The following RGL1 variants were observed in gnomAD, a reference collection of about 807,000 sequenced individuals.
The protein encoded by RGL1 is ral guanine nucleotide dissociation stimulator like 1, also known as ral guanine nucleotide dissociation stimulator-like 1.
Under a neutral mutation model 95.2 loss-of-function variants are expected in RGL1, and 24 were observed. The ratio of observed to expected loss-of-function variants is 0.25; its 90% CI spans 0.18 to 0.35. The LOEUF (loss-of-function observed/expected upper bound fraction) is 0.35, where lower values mean the gene tolerates loss of function less well. Ranked by LOEUF, RGL1 falls within the 10% of genes least tolerant of loss-of-function variation. The pLI is 1.00. For missense variants in RGL1, 715 were observed against 936.3 expected (o/e 0.76, Z 3.08); for synonymous variants, 329 against 344.9 (o/e 0.95, Z 0.51).
intron 15 of RGL1, among the ~76,000 whole-genome samples, chr1:183,913,718 C>T (rs188895281): frequency 8.5e-5 from 13 of 152,278 alleles, no homozygotes; most frequent in South Asian, 2.1e-4. Context: ...TTCAAGGGGA[C>T]ATGTGTGTTG....
At chr1:183,645,275 G>A (rs1650206636) in intron 1 of RGL1, among the ~76,000 whole-genome samples, 2 of 152,114 alleles carry the variant, frequency 1.3e-5, no homozygotes, top group African/African-American at 4.8e-5. Flanking sequence ...ATCTCAAGAG[G>A]TTTGTTAATC....
chr1:183,871,628 C>T (rs1371383810), intron 4 of RGL1, among the ~76,000 whole-genome samples: 1 of 152,168 alleles, frequency 6.6e-6, no homozygotes, highest in African/African-American at 2.4e-5. Context: ...TAAAATCTTT[C>T]CTGTATTTCC....
At chr1:183,715,126 A>AT (rs755335099) in intron 1 of RGL1, among the ~76,000 whole-genome samples, 3 of 152,328 alleles carry the variant, frequency 2.0e-5, no homozygotes, top group Admixed American at 2.0e-4. Context: ...GCAGAGCTTC[A>AT]TTTGAACCCC....
intron 1 of RGL1, among the ~76,000 whole-genome samples, chr1:183,715,724 A>G (rs910476870): frequency 6.8e-6 from 1 of 146,474 alleles, no homozygotes; most frequent in Non-Finnish European, 1.5e-5. Flanking sequence ...ACCTATATCT[A>G]TATCTATACC....
At chr1:183,789,676 C>T (rs1321136403) in intron 2 of RGL1, among the ~76,000 whole-genome samples, 1 of 152,008 alleles carries the variant, frequency 6.6e-6, no homozygotes, top group East Asian at 1.9e-4. Context: ...CTGATTTCTG[C>T]TCTATTTAAC....
intron 2 of RGL1, among the ~76,000 whole-genome samples, chr1:183,763,849 T>C (rs757868537): frequency 1.3e-4 from 20 of 152,296 alleles, no homozygotes; most frequent in Middle Eastern, 6.8e-3. Flanking sequence ...TTACACCACA[T>C]GGGCCCACCA....
intron 2 of RGL1, among the ~76,000 whole-genome samples, chr1:183,790,206 C>T (rs1027987197): frequency 6.6e-6 from 1 of 152,220 alleles, no homozygotes; most frequent in East Asian, 1.9e-4. Context: ...GGATTAGAGG[C>T]GTGAGCCACT....
At chr1:183,918,243 T>C (rs1330812636) in intron 16 of RGL1, among the ~76,000 whole-genome samples, 1 of 152,134 alleles carries the variant, frequency 6.6e-6, no homozygotes, top group Non-Finnish European at 1.5e-5. Context: ...TGAGATCAAA[T>C]ACTGGGAGTT....
chr1:183,920,339 A>G (rs544722907), intron 16 of RGL1, among the ~76,000 whole-genome samples: 3 of 152,304 alleles, frequency 2.0e-5, no homozygotes, highest in Non-Finnish European at 2.9e-5. Context: ...CCCGTCCTAA[A>G]AACTTTTTAA....
At position 183,805,224 on chromosome 1, in the gene RGL1, G is replaced by T; in HGVS notation, c.-74G>T. 3 of 1,589,336 alleles carry T rather than the reference G, an allele frequency of 1.9e-6. No homozygotes were observed. Among genetic ancestry groups the T allele is most frequent in the Non-Finnish European group, 2.6e-6 (3 of 1,168,570 alleles). ...CCGGGGCGAGGCGCCGCGGGGCTGA[G>T]CCCAGCAGACATTGCGTTGGCCTCC... On this transcript the variant is annotated 5_prime_UTR_variant, in exon 1 of 18. Coordinates refer to ENST00000360851, the MANE Select transcript of RGL1 (RefSeq NM_001297671.3).
At chr1:183,636,727 A>G (rs1649562576) in intron 1 of RGL1, among the ~76,000 whole-genome samples, 1 of 152,192 alleles carries the variant, frequency 6.6e-6, no homozygotes, top group African/African-American at 2.4e-5. Context: ...TTTAAGATTT[A>G]TATTATGATT....
chr1:183,830,250 A>G (rs1053493293), intron 2 of RGL1, among the ~76,000 whole-genome samples: 11 of 152,202 alleles, frequency 7.2e-5, no homozygotes, highest in African/African-American at 2.7e-4. Flanking sequence ...AAAACTTCTT[A>G]TAAGTTCAGA....
At chr1:183,898,217 A>G (rs1667812974) in intron 10 of RGL1, among the ~76,000 whole-genome samples, 1 of 152,168 alleles carries the variant, frequency 6.6e-6, no homozygotes, top group African/African-American at 2.4e-5. Context: ...TCCTGCACTT[A>G]GAAGCTGCTC....
chr1:183,765,842 G>T (rs1658935212), intron 2 of RGL1, among the ~76,000 whole-genome samples: 1 of 152,110 alleles, frequency 6.6e-6, no homozygotes, highest in African/African-American at 2.4e-5. Flanking sequence ...AAGAAAGTTT[G>T]ATTATTTCTG....
chr1:183,884,032 G>C (rs1243949957), intron 6 of RGL1, 122 bp downstream of exon 6: 11 of 997,962 alleles, frequency 1.1e-5, no homozygotes, highest in Non-Finnish European at 1.5e-5. Flanking sequence ...CCTTGAGACA[G>C]GCTGCGCCTG....
intron 1 of RGL1, among the ~76,000 whole-genome samples, chr1:183,639,929 G>A (rs546240633): frequency 4.6e-5 from 7 of 151,728 alleles, no homozygotes; most frequent in East Asian, 1.9e-4. Flanking sequence ...TGCAACCTCC[G>A]ACTCCCTGGT....
At chr1:183,848,905 T>G (rs1482169282) in intron 3 of RGL1, among the ~76,000 whole-genome samples, 1 of 152,100 alleles carries the variant, frequency 6.6e-6, no homozygotes, top group African/African-American at 2.4e-5. Context: ...GAACCATCCT[T>G]TTGTATTTTT....
intron 2 of RGL1, among the ~76,000 whole-genome samples, chr1:183,777,124 T>C (rs1437819776): frequency 6.6e-6 from 1 of 152,234 alleles, no homozygotes; most frequent in Non-Finnish European, 1.5e-5. Context: ...GCAGAAGATA[T>C]TAGCAGTGGT....
chr1:183,870,219 C>T (rs1469388936), intron 4 of RGL1, among the ~76,000 whole-genome samples: 3 of 152,150 alleles, frequency 2.0e-5, no homozygotes, highest in African/African-American at 7.2e-5. Context: ...CAGGAAGTGT[C>T]CCAGTCTGAC....
Sources: allele counts gnomAD v4.1 joint callset (sites outside exome capture counted in the v4.1 genomes callset), GRCh38; gene constraint gnomAD v4.1.1; transcripts MANE v1.5; gene names NCBI Gene and HGNC (gene_info 2026-07-23, HGNC 2026-07-21).